Variants in MB21D2 observed in about 807,000 individuals in gnomAD.
The protein encoded by MB21D2 is Mab-21 domain containing 2.
Under a neutral mutation model 33.3 loss-of-function variants are expected in MB21D2, and 9 were observed. The observed-to-expected ratio is 0.27, with a 90% CI of 0.16 to 0.47. The LOEUF is 0.47. Among genes scored for constraint, MB21D2 ranks in the 20% least tolerant of loss-of-function variants. The pLI, the probability that MB21D2 is intolerant of heterozygous loss-of-function variation, is 0.99. For synonymous variants in MB21D2, 241 were observed against 236.3 expected, an observed-to-expected ratio of 1.02 and a Z score of -0.18; for missense variants, 540 against 624.6, an observed-to-expected ratio of 0.86 and a Z score of 1.44.
intron 1 of MB21D2, among the ~76,000 whole-genome samples, chr3:192,834,019 C>T (rs936181180): frequency 6.6e-6 from 1 of 152,158 alleles, no homozygotes; most frequent in Non-Finnish European, 1.5e-5. Context: ...TTGAGGTCAA[C>T]GATCTCAGTT....
rs571876150 is a variant in MB21D2, at chr3:192,917,807, C to G, written c.34G>C (p.Ala12Pro). ...KMAAPTANKAASLGCNNKPAF... is the reference protein window; with the variant it reads ...KMAAPTANKAPSLGCNNKPAF... ...GGCTTGTTGTTACAGCCCAGGGAGG[C>G]TGCCTTGTTGGCGGTGGGAGCCGCC... Residue 12 changes from alanine (A) to proline (P), a missense_variant, in exon 1 of 2, where the codon GCC (alanine) becomes CCC (proline). By Grantham distance (27) the Ala-to-Pro change is conservative (BLOSUM62 -1). Transcript: ENST00000392452. 1.2e-6 allele frequency: 2 copies of G among 1,612,032 alleles called. No homozygotes were observed. Among genetic ancestry groups the G allele is most frequent in the African/African-American group, 2.7e-5 (2 of 75,030 alleles).
chr3:192,911,352 T>C (rs1714347348), intron 1 of MB21D2, among the ~76,000 whole-genome samples: 1 of 152,184 alleles, frequency 6.6e-6, no homozygotes, highest in Non-Finnish European at 1.5e-5. Context: ...TGCCTTTTTG[T>C]CTCTGTCCCA....
chr3:192,915,015 G>A (rs953319864), intron 1 of MB21D2, among the ~76,000 whole-genome samples: 1 of 152,162 alleles, frequency 6.6e-6, no homozygotes, highest in African/African-American at 2.4e-5. Context: ...CCTGCCAACT[G>A]CCTGAAACAT....
chr3:192,872,089 C>A (rs879837240), intron 1 of MB21D2, among the ~76,000 whole-genome samples: 6 of 152,158 alleles, frequency 3.9e-5, no homozygotes, highest in Non-Finnish European at 7.3e-5. Flanking sequence ...ATAATCCTTA[C>A]CTAGCTTTCT....
intron 1 of MB21D2, among the ~76,000 whole-genome samples, chr3:192,882,274 C>T (rs994047944): frequency 6.6e-6 from 1 of 152,046 alleles, no homozygotes; most frequent in Non-Finnish European, 1.5e-5. Flanking sequence ...GGGGTTTCTC[C>T]ATGTTGGTTA....
intron 1 of MB21D2, among the ~76,000 whole-genome samples, chr3:192,881,045 C>G (rs1409515145): frequency 1.3e-5 from 2 of 151,968 alleles, no homozygotes; most frequent in African/African-American, 4.8e-5. Flanking sequence ...AGAAGATGAT[C>G]TGGATGTTCC....
intron 1 of MB21D2, 120 bp downstream of exon 1, chr3:192,917,497 TGGCTTATACCCAA>T: frequency 1.2e-6 from 1 of 803,526 alleles, no homozygotes; most frequent in Non-Finnish European, 2.0e-6. Flanking sequence ...GGAACAGAGA[TGGCTTATACCCAA>T]GGCACCGGCT....
At chr3:192,813,305 T>A (rs959476932) in intron 1 of MB21D2, among the ~76,000 whole-genome samples, 25 of 149,074 alleles carry the variant, frequency 1.7e-4, no homozygotes, top group African/African-American at 3.3e-4. Flanking sequence ...AGTTAATTTT[T>A]TTTTTTTTTT....
intron 1 of MB21D2, among the ~76,000 whole-genome samples, chr3:192,809,111 T>A (rs1054803978): frequency 1.3e-5 from 2 of 152,172 alleles, no homozygotes; most frequent in African/African-American, 4.8e-5. Context: ...TTCCCTTTTT[T>A]TTTGACATGG....
chr3:192,878,917 C>T (rs552856850), intron 1 of MB21D2, among the ~76,000 whole-genome samples: 120 of 152,284 alleles, frequency 7.9e-4, no homozygotes, highest in African/African-American at 2.7e-3. Flanking sequence ...TGAGTCAAGA[C>T]TGTGCCACTG....
chr3:192,820,136 G>A (rs1356145786), intron 1 of MB21D2, among the ~76,000 whole-genome samples: 5 of 152,088 alleles, frequency 3.3e-5, no homozygotes, highest in Non-Finnish European at 5.9e-5. Context: ...AGGGAGATGC[G>A]ATATTAAGAG....
intron 1 of MB21D2, among the ~76,000 whole-genome samples, chr3:192,859,684 T>G (rs9876677): frequency 0.022 from 3,391 of 152,226 alleles, 128 homozygotes; most frequent in African/African-American, 0.076. Flanking sequence ...TTGAAAAGAA[T>G]GAATAAACAA....
intron 1 of MB21D2, among the ~76,000 whole-genome samples, chr3:192,882,578 T>C (rs576641987): frequency 6.6e-6 from 1 of 152,234 alleles, no homozygotes; most frequent in South Asian, 2.1e-4. Context: ...TGTACCTGTG[T>C]TTCACTGACT....
intron 1 of MB21D2, among the ~76,000 whole-genome samples, chr3:192,874,669 G>GT: frequency 6.6e-6 from 1 of 152,174 alleles, no homozygotes; most frequent in Non-Finnish European, 1.5e-5. Flanking sequence ...CCTTGCCCTG[G>GT]AAAGCTGACC....
chr3:192,880,164 G>A (rs1322418581), intron 1 of MB21D2, among the ~76,000 whole-genome samples: 1 of 151,994 alleles, frequency 6.6e-6, no homozygotes, highest in Non-Finnish European at 1.5e-5. Context: ...CCAACATAGT[G>A]AAACCCTGTC....
Position 192,917,718 on chromosome 3 carries a change from T to G in MB21D2, c.123A>C (p.Gln41His). 8 of 1,614,204 alleles carry G rather than the reference T, an allele frequency of 5.0e-6. No homozygotes were observed. Among genetic ancestry groups the G allele is most frequent in the Non-Finnish European group, 6.8e-6 (8 of 1,180,050 alleles). Residue 41 changes from glutamine to histidine, a missense_variant, in exon 1 of 2, where the codon CAA becomes CAC. Physicochemically the swap from Gln to His is conservative, Grantham distance 24. Transcript: ENST00000392452. ...ARVEELNKLIQEFTKHDQREY... is the reference protein window; with the variant it reads ...ARVEELNKLIHEFTKHDQREY... ...CCCGCTGGTCGTGCTTCGTAAATTC[T>G]TGGATGAGTTTGTTCAATTCCTCCA...
chr3:192,810,671 C>T (rs532038701), intron 1 of MB21D2, among the ~76,000 whole-genome samples: 3 of 152,188 alleles, frequency 2.0e-5, no homozygotes, highest in Non-Finnish European at 4.4e-5. Flanking sequence ...ATTCTTATTT[C>T]ATTTATCCCA....
intron 1 of MB21D2, among the ~76,000 whole-genome samples, chr3:192,802,445 C>G (rs1711581013): frequency 6.6e-6 from 1 of 152,200 alleles, no homozygotes; most frequent in Non-Finnish European, 1.5e-5. Context: ...ACAGAAGATA[C>G]TACCTACTAC....
intron 1 of MB21D2, among the ~76,000 whole-genome samples, chr3:192,864,788 T>C (rs1020822390): frequency 6.6e-6 from 1 of 152,174 alleles, no homozygotes; most frequent in Non-Finnish European, 1.5e-5. Flanking sequence ...GTTACAGGTG[T>C]GAGCCACCAT....
Sources: allele counts gnomAD v4.1 joint callset (sites outside exome capture counted in the v4.1 genomes callset), GRCh38; gene constraint gnomAD v4.1.1; transcripts MANE v1.5; gene names NCBI Gene and HGNC (gene_info 2026-07-23, HGNC 2026-07-21).